Variants in TMEM117 observed in about 807,000 individuals in gnomAD.
The protein encoded by TMEM117 is transmembrane protein 117.
Under a neutral mutation model 52.4 loss-of-function variants are expected in TMEM117, and 27 were observed. The ratio of observed to expected loss-of-function variants is 0.51; its 90% CI spans 0.38 to 0.71. The LOEUF is 0.71. Ranked by LOEUF, TMEM117 falls within the 30% of genes least tolerant of loss-of-function variation. TMEM117 has a pLI of 0.00. For missense variants in TMEM117, 556 were observed against 630.5 expected (o/e 0.88, Z 1.26); for synonymous variants, 215 against 206.3 (o/e 1.04, Z -0.36).
intron 3 of TMEM117, among the ~76,000 whole-genome samples, chr12:44,060,477 G>A (rs766202492): frequency 1.3e-5 from 2 of 152,118 alleles, no homozygotes; most frequent in Non-Finnish European, 2.9e-5. Context: ...GTGTTTCTGG[G>A]GAACAGTGCA....
chr12:44,396,510 A>T, the TMEM117 span, among the ~76,000 whole-genome samples: 1 of 152,084 alleles, frequency 6.6e-6, no homozygotes, highest in African/African-American at 2.4e-5. Flanking sequence ...TTCTGACTCA[A>T]TAAAATTTGA....
chr12:44,390,541 G>A (rs1440864478), downstream of TMEM117, among the ~76,000 whole-genome samples: 1 of 151,884 alleles, frequency 6.6e-6, no homozygotes, highest in East Asian at 1.9e-4. Flanking sequence ...ATGTTTTAAT[G>A]AGAAAATCTA....
At chr12:44,016,081 AC>A (rs1258919623) in intron 3 of TMEM117, among the ~76,000 whole-genome samples, 7 of 151,806 alleles carry the variant, frequency 4.6e-5, no homozygotes, top group African/African-American at 1.7e-4. Flanking sequence ...TGATAGCACT[AC>A]CCCCTCCTCC....
the TMEM117 span, chr12:43,797,015 T>C: frequency 7.4e-6 from 12 of 1,611,434 alleles, no homozygotes; most frequent in Non-Finnish European, 1.0e-5. Context: ...TTTCTACAAT[T>C]TCTAGCAGAC....
chr12:43,986,489 T>C (rs974487754), intron 3 of TMEM117, among the ~76,000 whole-genome samples: 1 of 152,172 alleles, frequency 6.6e-6, no homozygotes, highest in African/African-American at 2.4e-5. Context: ...TTATGATTTT[T>C]TTCCTTCCAT....
At chr12:44,241,019 C>T (rs1644015) in intron 5 of TMEM117, among the ~76,000 whole-genome samples, 2 of 151,904 alleles carry the variant, frequency 1.3e-5, no homozygotes, top group African/African-American at 4.8e-5. Context: ...GGTTTCAGAG[C>T]CCTTGTGGAT....
At chr12:44,095,950 T>C (rs1350720958) in intron 3 of TMEM117, among the ~76,000 whole-genome samples, 2 of 152,150 alleles carry the variant, frequency 1.3e-5, no homozygotes, top group Admixed American at 1.3e-4. Context: ...GACGACATGA[T>C]TGTATATCTA....
chr12:43,984,611 T>TA (rs2137730902), intron 3 of TMEM117, among the ~76,000 whole-genome samples: 1 of 152,304 alleles, frequency 6.6e-6, no homozygotes, highest in East Asian at 1.9e-4. Flanking sequence ...GTGGAATAAA[T>TA]TAGAACATCA....
At chr12:44,178,602 C>T (rs1949147862) in intron 4 of TMEM117, among the ~76,000 whole-genome samples, 1 of 152,094 alleles carries the variant, frequency 6.6e-6, no homozygotes, top group Non-Finnish European at 1.5e-5. Flanking sequence ...AATTTCAAAC[C>T]TATAAATACC....
At chr12:44,390,782 C>T (rs1361013124), downstream of TMEM117, among the ~76,000 whole-genome samples, 2 of 152,044 alleles carry the variant, frequency 1.3e-5, no homozygotes, top group African/African-American at 4.8e-5. Context: ...CCTTTTCTTA[C>T]CTACATATGG....
intron 2 of TMEM117, among the ~76,000 whole-genome samples, chr12:43,859,882 C>T (rs909981048): frequency 6.6e-6 from 1 of 152,126 alleles, no homozygotes; most frequent in Non-Finnish European, 1.5e-5. Context: ...ATCATTAGAT[C>T]ATCTTACTTT....
intron 3 of TMEM117, among the ~76,000 whole-genome samples, chr12:43,950,285 T>C (rs1172453725): frequency 6.6e-6 from 1 of 152,162 alleles, no homozygotes; most frequent in Non-Finnish European, 1.5e-5. Flanking sequence ...TATAAGTGTT[T>C]TGTTAAAGGA....
intron 3 of TMEM117, among the ~76,000 whole-genome samples, chr12:44,077,897 A>T (rs1947407280): frequency 6.6e-6 from 1 of 152,174 alleles, no homozygotes; most frequent in Admixed American, 6.5e-5. Flanking sequence ...TTTTCCTCTC[A>T]AAGACATAAC....
chr12:44,253,190 G>A (rs1950216313), intron 5 of TMEM117, among the ~76,000 whole-genome samples: 1 of 152,096 alleles, frequency 6.6e-6, no homozygotes, highest in Non-Finnish European at 1.5e-5. Flanking sequence ...AATGAATAGG[G>A]GGAGTGTGTG....
At position 44,279,083 on chromosome 12, in the gene TMEM117, GC is replaced by G. The variant is rs573893610; in HGVS notation, c.609-20495del. Among the ~76,000 whole-genome samples, 26 of 152,176 alleles carry G rather than the reference GC, an allele frequency of 1.7e-4. No homozygotes were observed. The East Asian group carries it at 4.6e-3, about 27-fold the overall frequency. ...ATATATTTGTATCTTATAATTTTGT[GC>G]CTATATATAATTGTTCCTCAAAATA... On this transcript the variant is annotated intron_variant, in intron 5 of 7. Transcript: ENST00000266534.
At chr12:44,006,843 A>G (rs1459377310) in intron 3 of TMEM117, among the ~76,000 whole-genome samples, 1 of 152,192 alleles carries the variant, frequency 6.6e-6, no homozygotes, top group Non-Finnish European at 1.5e-5. Context: ...TTTGTGAAGC[A>G]TAAGATGTAT....
At chr12:44,321,817 T>C (rs952630124) in intron 6 of TMEM117, among the ~76,000 whole-genome samples, 2 of 152,208 alleles carry the variant, frequency 1.3e-5, no homozygotes, top group African/African-American at 2.4e-5. Flanking sequence ...ATAACATTAG[T>C]GTGTATTGTA....
At position 44,389,484 on chromosome 12, in the gene TMEM117, A is replaced by AGGAACT. The variant is rs1476497293; in HGVS notation, c.*814_*819dup. 6.6e-6 allele frequency: 1 copy of AGGAACT among 152,560 alleles called. No individual in the cohort carries two copies. Among genetic ancestry groups the AGGAACT allele is most frequent in the Non-Finnish European group, 1.5e-5 (1 of 68,008 alleles). The allele number at this position is 152,560 out of a possible 1,614,324, so 9.5% of individuals were successfully genotyped here. Reference sequence around the variant, plus strand: ...ATTTACACAAAGTCCCAGACAACCAAGGAACTGAAGTTTTCATCATATGAG... The same window carrying AGGAACT: ...ATTTACACAAAGTCCCAGACAACCAAGGAACTGGAACTGAAGTTTTCATCATATGAG... On this transcript the variant is annotated 3_prime_UTR_variant, in exon 8 of 8. Coordinates refer to ENST00000266534, the MANE Select transcript of TMEM117 (RefSeq NM_032256.3).
intron 3 of TMEM117, among the ~76,000 whole-genome samples, chr12:43,962,083 T>C (rs1945412821): frequency 6.6e-6 from 1 of 152,180 alleles, no homozygotes; most frequent in Admixed American, 6.5e-5. Context: ...TAAGGTAGCA[T>C]CAGTGACAGT....
Sources: gnomAD v4.1 joint callset for allele counts (sites outside exome capture counted in the v4.1 genomes callset) on GRCh38, gnomAD v4.1.1 for gene constraint, MANE v1.5 for transcripts, NCBI Gene and HGNC (gene_info 2026-07-23, HGNC 2026-07-21) for gene names.